DCC: variants seen among roughly 807,000 people sequenced by gnomAD.
The protein encoded by DCC is DCC netrin 1 receptor.
Under a neutral mutation model 172.5 loss-of-function variants are expected in DCC, and 58 were observed. That is an observed-to-expected ratio of 0.34 (90% confidence interval 0.27 to 0.42). DCC has a LOEUF of 0.42. Among genes scored for constraint, DCC ranks in the 10% least tolerant of loss-of-function variants. The pLI, the probability that DCC is intolerant of heterozygous loss-of-function variation, is 1.00. For missense variants in DCC, 1,740 were observed against 1,791.0 expected (o/e 0.97, Z 0.51); for synonymous variants, 709 against 644.5 (o/e 1.10, Z -1.52).
intron 2 of DCC, among the ~76,000 whole-genome samples, chr18:52,830,078 G>A (rs1209343019): frequency 1.3e-5 from 2 of 152,072 alleles, no homozygotes; most frequent in East Asian, 3.9e-4. Context: ...TGCCAGCTGT[G>A]TCTGAGAAAT....
At chr18:52,814,441 T>A (rs1320667039) in intron 2 of DCC, among the ~76,000 whole-genome samples, 1 of 152,138 alleles carries the variant, frequency 6.6e-6, no homozygotes, top group Non-Finnish European at 1.5e-5. Context: ...CTCTGACACC[T>A]CCTCTTTCAG....
At chr18:52,813,379 G>C (rs12458292) in intron 2 of DCC, among the ~76,000 whole-genome samples, 2 of 152,034 alleles carry the variant, frequency 1.3e-5, no homozygotes, top group Non-Finnish European at 2.9e-5. Flanking sequence ...TTTTTAGGGA[G>C]GGGGAACAGT....
At chr18:52,542,557 C>T (rs946490668) in intron 1 of DCC, among the ~76,000 whole-genome samples, 5 of 152,058 alleles carry the variant, frequency 3.3e-5, no homozygotes, top group African/African-American at 7.2e-5. Flanking sequence ...AGAGCAGGGC[C>T]GGGTGCAGTG....
At chr18:52,745,413 G>C (rs933069109) in intron 1 of DCC, among the ~76,000 whole-genome samples, 7 of 152,240 alleles carry the variant, frequency 4.6e-5, no homozygotes, top group African/African-American at 1.7e-4. Context: ...ACTTCTTAAA[G>C]TACAGATTGC....
intron 5 of DCC, among the ~76,000 whole-genome samples, chr18:52,990,433 G>A (rs903439353): frequency 6.6e-6 from 1 of 151,476 alleles, no homozygotes; most frequent in Non-Finnish European, 1.5e-5. Flanking sequence ...CCAGCTACTT[G>A]GGAGGCTGAG....
intron 12 of DCC, among the ~76,000 whole-genome samples, chr18:53,295,792 A>T (rs1317708695): frequency 6.6e-6 from 1 of 152,090 alleles, no homozygotes; most frequent in Non-Finnish European, 1.5e-5. Flanking sequence ...TATCCATGTA[A>T]ATGCATTATT....
intron 1 of DCC, among the ~76,000 whole-genome samples, chr18:52,699,782 G>A (rs563529654): frequency 1.3e-5 from 2 of 151,726 alleles, no homozygotes; most frequent in Non-Finnish European, 2.9e-5. Flanking sequence ...TCTCTGAATT[G>A]GATGTCAGCA....
chr18:52,989,647 T>A (rs1426441455), intron 5 of DCC, among the ~76,000 whole-genome samples: 1 of 152,164 alleles, frequency 6.6e-6, no homozygotes, highest in Non-Finnish European at 1.5e-5. Context: ...AAGATATGAA[T>A]CTAGAGAACA....
At chr18:52,588,037 A>G (rs778610156) in intron 1 of DCC, among the ~76,000 whole-genome samples, 10 of 152,196 alleles carry the variant, frequency 6.6e-5, no homozygotes, top group Non-Finnish European at 1.5e-5. Context: ...TGGGTCAGAA[A>G]GCACCCAGTT....
chr18:53,074,160 G>A (rs1284551485), intron 7 of DCC, among the ~76,000 whole-genome samples: 1 of 152,076 alleles, frequency 6.6e-6, no homozygotes, highest in South Asian at 2.1e-4. Flanking sequence ...TCTCTTATAT[G>A]AGAAAAGTTA....
At chr18:53,504,622 T>C (rs1447399473) in intron 27 of DCC, among the ~76,000 whole-genome samples, 2 of 152,162 alleles carry the variant, frequency 1.3e-5, no homozygotes, top group East Asian at 3.9e-4. Flanking sequence ...TAAAATGTAA[T>C]TAAGGCAAAT....
chr18:52,927,128 C>T (rs796586008), intron 5 of DCC, among the ~76,000 whole-genome samples: 389 of 36,436 alleles, frequency 0.011, 26 homozygotes, highest in African/African-American at 0.027. Context: ...TGTATATACA[C>T]GTATATACGT....
At chr18:52,376,308 A>G (rs1420599210) in intron 1 of DCC, among the ~76,000 whole-genome samples, 2 of 152,236 alleles carry the variant, frequency 1.3e-5, no homozygotes, top group African/African-American at 4.8e-5. Flanking sequence ...ATATGAAGAC[A>G]TGAAGTAATC....
intron 5 of DCC, among the ~76,000 whole-genome samples, chr18:52,987,725 G>A (rs2041318177): frequency 6.6e-6 from 1 of 152,128 alleles, no homozygotes; most frequent in Middle Eastern, 3.2e-3. Context: ...GGGACCACAA[G>A]CATGGAAACT....
chr18:52,472,625 AG>A (rs1383911188), intron 1 of DCC, among the ~76,000 whole-genome samples: 1 of 152,218 alleles, frequency 6.6e-6, no homozygotes, highest in African/African-American at 2.4e-5. Context: ...CCTTAAGGCC[AG>A]CAGCAGTGGC....
At chr18:52,728,915 T>G (rs531833506) in intron 1 of DCC, among the ~76,000 whole-genome samples, 4 of 152,252 alleles carry the variant, frequency 2.6e-5, no homozygotes, top group Non-Finnish European at 5.9e-5. Flanking sequence ...ATGTGAATAG[T>G]GTCTGTTTGG....
intron 7 of DCC, among the ~76,000 whole-genome samples, chr18:53,106,754 C>A (rs1433684235): frequency 1.3e-5 from 2 of 151,782 alleles, no homozygotes; most frequent in Non-Finnish European, 2.9e-5. Context: ...ATGCCATAGA[C>A]ATAGGGGAGT....
In DCC at chr18:53,204,431, T is replaced by C. The variant is rs571743110; in HGVS notation, c.1574-785T>C. Among the ~76,000 whole-genome samples, 5 of 151,998 alleles carry C rather than the reference T, an allele frequency of 3.3e-5. No individual in the cohort carries two copies. The South Asian group carries it at 6.2e-4, about 19-fold the overall frequency. On this transcript the variant is annotated intron_variant, in intron 9 of 28. Transcript: ENST00000442544. ...TCATGATGGTGCATGCTTGTAGTCC[T>C]ACCTATTCAGGAAGCTGAGACAGGA... is the stretch of plus-strand genomic sequence containing the variant.
intron 1 of DCC, among the ~76,000 whole-genome samples, chr18:52,416,194 T>C (rs1257028825): frequency 2.0e-5 from 3 of 152,234 alleles, no homozygotes; most frequent in African/African-American, 7.2e-5. Flanking sequence ...TGAGTGAGTT[T>C]CTTAATCCTG....
Sources: gnomAD v4.1 joint callset for allele counts (sites outside exome capture counted in the v4.1 genomes callset) on GRCh38, gnomAD v4.1.1 for gene constraint, MANE v1.5 for transcripts, NCBI Gene and HGNC (gene_info 2026-07-23, HGNC 2026-07-21) for gene names.